Variants in ATRNL1 observed in about 807,000 individuals in gnomAD.
ATRNL1 encodes the protein attractin-like protein 1.
In ATRNL1, 95 loss-of-function variants were observed where a neutral mutation model predicts 182.7. The observed-to-expected ratio is 0.52, with a 90% CI of 0.44 to 0.62. The LOEUF (loss-of-function observed/expected upper bound fraction) is 0.62. Ranked by LOEUF, ATRNL1 falls within the 20% of genes least tolerant of loss-of-function variation. ATRNL1 has a pLI of 0.00. For missense variants in ATRNL1, 1,471 were observed against 1,679.5 expected, an observed-to-expected ratio of 0.88 and a Z score of 2.17; for synonymous variants, 576 against 568.3, an observed-to-expected ratio of 1.01 and a Z score of -0.19.
At chr10:115,593,494 A>C (rs1348045210) in intron 26 of ATRNL1, among the ~76,000 whole-genome samples, 1 of 152,212 alleles carries the variant, frequency 6.6e-6, no homozygotes, top group Non-Finnish European at 1.5e-5. Context: ...CAATGGGGGA[A>C]AGGACAGTCT....
At chr10:115,322,012 C>A (rs782279401) in intron 18 of ATRNL1, among the ~76,000 whole-genome samples, 97 of 152,092 alleles carry the variant, frequency 6.4e-4, no homozygotes, top group Admixed American at 1.0e-3. Flanking sequence ...ATACCATTTA[C>A]AGTAGCTACA....
chr10:115,853,292 A>C (rs1951099253), intron 28 of ATRNL1, among the ~76,000 whole-genome samples: 1 of 152,200 alleles, frequency 6.6e-6, no homozygotes, highest in South Asian at 2.1e-4. Context: ...TTACATTTAA[A>C]AAAATCTTAA....
intron 26 of ATRNL1, among the ~76,000 whole-genome samples, chr10:115,646,123 A>G (rs1258137395): frequency 1.3e-5 from 2 of 151,712 alleles, no homozygotes; most frequent in Admixed American, 6.6e-5. Context: ...GATGATCTGT[A>G]TAAAGGAGAT....
At chr10:115,450,362 T>G (rs1258092149) in intron 21 of ATRNL1, among the ~76,000 whole-genome samples, 1 of 152,166 alleles carries the variant, frequency 6.6e-6, no homozygotes, top group Non-Finnish European at 1.5e-5. Flanking sequence ...CCAGAAGACA[T>G]GATCCTATAT....
At chr10:115,190,877 T>C (rs1433155043) in intron 8 of ATRNL1, among the ~76,000 whole-genome samples, 1 of 152,138 alleles carries the variant, frequency 6.6e-6, no homozygotes, top group African/African-American at 2.4e-5. Flanking sequence ...TGCTCTCTGC[T>C]ACCTTTCCTA....
chr10:115,740,817 T>C (rs1948115905), intron 27 of ATRNL1, among the ~76,000 whole-genome samples: 1 of 137,106 alleles, frequency 7.3e-6, no homozygotes, highest in South Asian at 2.5e-4. Context: ...ATCCTATCTC[T>C]TTAAACACAC....
intron 27 of ATRNL1, among the ~76,000 whole-genome samples, chr10:115,797,823 G>A (rs1325463861): frequency 3.3e-5 from 5 of 152,224 alleles, no homozygotes; most frequent in Non-Finnish European, 7.3e-5. Context: ...GGCTATCTGG[G>A]CTGAGATGTT....
intron 27 of ATRNL1, among the ~76,000 whole-genome samples, chr10:115,753,625 G>A (rs570837228): frequency 1.4e-4 from 22 of 152,082 alleles, no homozygotes; most frequent in Non-Finnish European, 2.5e-4. Flanking sequence ...GAACAGTGCC[G>A]CAATAAACAT....
At chr10:115,809,396 G>A (rs1309560841) in intron 27 of ATRNL1, among the ~76,000 whole-genome samples, 2 of 151,992 alleles carry the variant, frequency 1.3e-5, no homozygotes, top group African/African-American at 2.4e-5. Flanking sequence ...TTGAATCTAT[G>A]GACCAATATA....
intron 26 of ATRNL1, among the ~76,000 whole-genome samples, chr10:115,612,467 A>C (rs1857213665): frequency 6.6e-6 from 1 of 152,206 alleles, no homozygotes; most frequent in African/African-American, 2.4e-5. Context: ...GGATATGTGG[A>C]CTATGGGGAT....
chr10:115,799,222 A>T (rs1949734138), intron 27 of ATRNL1, among the ~76,000 whole-genome samples: 1 of 152,164 alleles, frequency 6.6e-6, no homozygotes, highest in African/African-American at 2.4e-5. Context: ...TGCTTGTTGA[A>T]TTTAACGTTA....
At chr10:115,838,615 C>A (rs931760165) in intron 27 of ATRNL1, among the ~76,000 whole-genome samples, 1 of 152,100 alleles carries the variant, frequency 6.6e-6, no homozygotes, top group Admixed American at 6.6e-5. Flanking sequence ...ACCCCTAGGG[C>A]TATAGCTGTA....
Position 115,948,619 on chromosome 10 carries a change from A to G in ATRNL1, c.*3840A>G, listed in dbSNP as rs1263121632. 1.3e-5 allele frequency: 2 copies of G among 152,204 alleles called. No individual in the cohort carries two copies. Among genetic ancestry groups the G allele is most frequent in the Non-Finnish European group, 2.9e-5 (2 of 68,040 alleles). The allele number at this position is 152,204 out of a possible 1,614,324, so 9.4% of individuals were successfully genotyped here. On this transcript the variant is annotated 3_prime_UTR_variant, in exon 29 of 29. Transcript: ENST00000355044. Reference sequence around the variant, plus strand: ...AGTGCTTCTTACCATTAGGCAAATTAGGGAAACACTGCATTGGGTCAAAGT... The same window carrying G: ...AGTGCTTCTTACCATTAGGCAAATTGGGGAAACACTGCATTGGGTCAAAGT...
intron 21 of ATRNL1, among the ~76,000 whole-genome samples, chr10:115,456,270 G>A (rs187282353): frequency 1.3e-5 from 2 of 152,296 alleles, no homozygotes; most frequent in Admixed American, 1.3e-4. Context: ...CAAAGAAGAT[G>A]TGGCACATAT....
At chr10:115,846,350 T>C (rs1555098764) in intron 27 of ATRNL1, among the ~76,000 whole-genome samples, 1 of 152,036 alleles carries the variant, frequency 6.6e-6, no homozygotes, top group African/African-American at 2.4e-5. Flanking sequence ...TCAGTCCAAG[T>C]TTTACAAGAA....
chr10:115,860,802 C>T (rs1313199844), intron 28 of ATRNL1, among the ~76,000 whole-genome samples: 2 of 152,092 alleles, frequency 1.3e-5, no homozygotes, highest in African/African-American at 2.4e-5. Flanking sequence ...TTCTTTTGTT[C>T]TCTTTCTTCT....
chr10:115,412,216 C>T (rs912746321), intron 20 of ATRNL1, among the ~76,000 whole-genome samples: 10 of 152,128 alleles, frequency 6.6e-5, no homozygotes, highest in Non-Finnish European at 1.5e-4. Context: ...CTGAGGATAG[C>T]CACCAGCCAA....
intron 20 of ATRNL1, among the ~76,000 whole-genome samples, chr10:115,425,922 ACTT>A (rs1195127716): frequency 7.2e-5 from 11 of 151,912 alleles, no homozygotes; most frequent in Admixed American, 1.3e-4. Context: ...TCAGACTTTC[ACTT>A]CTTCTGTTTA....
intron 10 of ATRNL1, among the ~76,000 whole-genome samples, chr10:115,243,685 A>G (rs1299397741): frequency 1.3e-5 from 2 of 152,090 alleles, no homozygotes; most frequent in African/African-American, 4.8e-5. Flanking sequence ...TTGTTTCTTA[A>G]TGCTGTAGAA....
Sources: allele counts gnomAD v4.1 joint callset (sites outside exome capture counted in the v4.1 genomes callset), GRCh38; gene constraint gnomAD v4.1.1; transcripts MANE v1.5; gene names NCBI Gene and HGNC (gene_info 2026-07-23, HGNC 2026-07-21).